Variants in XPR1 observed in about 807,000 individuals in gnomAD.
The protein encoded by XPR1 is solute carrier family 53 member 1.
A neutral mutation model predicts 87.5 loss-of-function variants in XPR1; 28 were observed. The ratio of observed to expected loss-of-function variants is 0.32; its 90% confidence interval spans 0.24 to 0.44. The LOEUF is 0.44. XPR1 is among the 20% of genes least tolerant of loss of function. The probability of loss-of-function intolerance (pLI) is 1.00; values close to 1 mark genes in which losing one functional copy is unlikely to be tolerated. For missense variants in XPR1, 559 were observed against 862.3 expected (o/e 0.65, Z 4.41); for synonymous variants, 300 against 306.1 (o/e 0.98, Z 0.21).
At chr1:180,855,155 A>G (rs1651986690) in intron 11 of XPR1, among the ~76,000 whole-genome samples, 1 of 152,174 alleles carries the variant, frequency 6.6e-6, no homozygotes, top group Non-Finnish European at 1.5e-5. Context: ...GCTCTACTCT[A>G]AAGTTAAATT....
chr1:180,724,160 A>G (rs1189155250), intron 2 of XPR1, among the ~76,000 whole-genome samples: 2 of 152,222 alleles, frequency 1.3e-5, no homozygotes, highest in African/African-American at 4.8e-5. Context: ...TCTAAAAGAA[A>G]AGAGAATCAA....
rs757267503 is a variant in XPR1, at chr1:180,803,426, C to G, written c.262C>G (p.Gln88Glu). 3.7e-6 allele frequency: 6 copies of G among 1,614,062 alleles called. No homozygotes were observed. Among genetic ancestry groups the G allele is most frequent in the Non-Finnish European group, 3.4e-6 (4 of 1,179,984 alleles). The change falls in exon 4 of 15, where the codon CAG becomes GAG. Residue 88 changes from glutamine to glutamate, a missense_variant. Gln to Glu is a conservative substitution (Grantham distance 29). This residue lies in a region of XPR1 where 159 missense variants were observed against 263.3 expected (regional missense o/e 0.60). Transcript: ENST00000367590. ...GGCTCAGCGCAGGTTTGCTACACTT[C>G]AGAATGAGCTTCAGTCATCACTGGA... ...AEAQRRFATLQNELQSSLDAQ... is the reference protein window; with the variant it reads ...AEAQRRFATLENELQSSLDAQ...
At chr1:180,777,398 T>C (rs886168142) in intron 2 of XPR1, among the ~76,000 whole-genome samples, 1 of 152,216 alleles carries the variant, frequency 6.6e-6, no homozygotes, top group African/African-American at 2.4e-5. Context: ...ATTCTACCCT[T>C]TGTATATTTG....
At chr1:180,729,242 T>C (rs1233793244) in intron 2 of XPR1, among the ~76,000 whole-genome samples, 2 of 152,244 alleles carry the variant, frequency 1.3e-5, no homozygotes, top group African/African-American at 4.8e-5. Context: ...CAGTATACCA[T>C]TGATGGGCAT....
At chr1:180,771,859 T>G (rs969115511) in intron 2 of XPR1, among the ~76,000 whole-genome samples, 12 of 152,308 alleles carry the variant, frequency 7.9e-5, no homozygotes, top group African/African-American at 2.4e-4. Context: ...TTGTTTAAAG[T>G]GGTGTCTGCC....
chr1:180,678,120 T>C (rs144470842), intron 1 of XPR1, among the ~76,000 whole-genome samples: 109 of 152,336 alleles, frequency 7.2e-4, no homozygotes, highest in Middle Eastern at 3.4e-3. Flanking sequence ...TAGTGCAAGA[T>C]GTTAGGATGG....
intron 2 of XPR1, among the ~76,000 whole-genome samples, chr1:180,702,112 G>C: frequency 1.4e-5 from 1 of 71,708 alleles, no homozygotes; most frequent in East Asian, 2.8e-4. Context: ...CTTTGAATGC[G>C]TCCCAGAGAT....
intron 1 of XPR1, among the ~76,000 whole-genome samples, chr1:180,653,575 T>C (rs1655360383): frequency 6.6e-6 from 1 of 152,166 alleles, no homozygotes; most frequent in Non-Finnish European, 1.5e-5. Context: ...AGTGGATGCC[T>C]AAAACCATGG....
intron 13 of XPR1, among the ~76,000 whole-genome samples, chr1:180,875,763 A>G (rs1386621040): frequency 1.3e-5 from 2 of 152,130 alleles, no homozygotes; most frequent in Non-Finnish European, 2.9e-5. Flanking sequence ...AAAATTATTA[A>G]TGATAAAGCC....
rs375525190 is a variant in XPR1 at position 180,650,797 on chromosome 1, TTC to T, written c.69+18535_69+18536del. Among the ~76,000 whole-genome samples, 14 of 152,328 alleles carry T rather than the reference TTC, an allele frequency of 9.2e-5. No homozygotes were observed. In the East Asian group the frequency reaches 1.7e-3, roughly 19 times the overall value. ...TCTGTGAGACCTTTAAACAGTGATT[TTC>T]TCTCTCTGAGTCTTAGTTTTCTTGT... On this transcript the variant is annotated intron_variant, in intron 1 of 14. Coordinates refer to ENST00000367590, the MANE Select transcript of XPR1 (RefSeq NM_004736.4).
intron 2 of XPR1, among the ~76,000 whole-genome samples, chr1:180,764,894 T>C (rs1038144064): frequency 1.3e-4 from 20 of 151,020 alleles, no homozygotes; most frequent in Non-Finnish European, 2.2e-4. Flanking sequence ...CACGCCATTC[T>C]CCTGCCTCAG....
At chr1:180,876,222 A>G (rs183200030) in intron 13 of XPR1, among the ~76,000 whole-genome samples, 1 of 152,338 alleles carries the variant, frequency 6.6e-6, no homozygotes, top group Non-Finnish European at 1.5e-5. Flanking sequence ...ATAAAAACTA[A>G]TCTGTCTCAT....
chr1:180,745,263 G>T (rs1349139436), intron 2 of XPR1, among the ~76,000 whole-genome samples: 1 of 152,050 alleles, frequency 6.6e-6, no homozygotes, highest in Admixed American at 6.6e-5. Context: ...TATTTATTCT[G>T]CTCTGCGGAG....
chr1:180,792,635 T>C (rs904993940), intron 3 of XPR1, among the ~76,000 whole-genome samples: 1 of 152,170 alleles, frequency 6.6e-6, no homozygotes, highest in Non-Finnish European at 1.5e-5. Flanking sequence ...TTGAAGATCA[T>C]AGGAAGAGAA....
At chr1:180,834,497 A>G (rs994528982) in intron 9 of XPR1, among the ~76,000 whole-genome samples, 2 of 152,268 alleles carry the variant, frequency 1.3e-5, no homozygotes, top group Non-Finnish European at 2.9e-5. Context: ...TTGAAAAGTC[A>G]GTATGAATAT....
At chr1:180,821,714 G>A (rs73042714) in intron 7 of XPR1, among the ~76,000 whole-genome samples, 6,545 of 152,218 alleles carry the variant, frequency 0.043, 503 homozygotes, top group African/African-American at 0.15. Flanking sequence ...TCTTTCAGCA[G>A]TGTTTTGAGT....
intron 1 of XPR1, among the ~76,000 whole-genome samples, chr1:180,651,835 T>C (rs1305353607): frequency 2.0e-5 from 3 of 152,208 alleles, no homozygotes; most frequent in Non-Finnish European, 4.4e-5. Flanking sequence ...CATTTTGATA[T>C]TTTATGAAAC....
intron 2 of XPR1, among the ~76,000 whole-genome samples, chr1:180,718,036 T>G (rs1216405148): frequency 1.3e-5 from 2 of 152,176 alleles, no homozygotes; most frequent in African/African-American, 4.8e-5. Flanking sequence ...GTTTAGCTGT[T>G]TCTTTGGTAT....
intron 1 of XPR1, among the ~76,000 whole-genome samples, chr1:180,682,112 A>G (rs1656596607): frequency 6.6e-6 from 1 of 152,070 alleles, no homozygotes; most frequent in Non-Finnish European, 1.5e-5. Flanking sequence ...GTGATTTTTC[A>G]TCCTTTTCCA....
Sources: gnomAD v4.1 joint callset for allele counts (sites outside exome capture counted in the v4.1 genomes callset) on GRCh38, gnomAD v4.1.1 for gene constraint, gnomAD v4.1.1 regional missense constraint, MANE v1.5 for transcripts, NCBI Gene and HGNC (gene_info 2026-07-23, HGNC 2026-07-21) for gene names.